Variants in IQGAP2 observed in about 807,000 individuals in gnomAD.
The protein encoded by IQGAP2 is ras GTPase-activating-like protein IQGAP2.
Under a neutral mutation model 201.3 loss-of-function variants are expected in IQGAP2, and 173 were observed. The observed-to-expected ratio is 0.86, with a 90% CI of 0.76 to 0.98. The LOEUF is 0.98. Ranked by LOEUF, IQGAP2 falls within the 50% of genes least tolerant of loss-of-function variation. The probability of loss-of-function intolerance (pLI) is 0.00; values close to 1 mark genes in which losing one functional copy is unlikely to be tolerated. For missense variants in IQGAP2, 1,687 were observed against 1,864.8 expected (o/e 0.90, Z 1.76); for synonymous variants, 675 against 673.9 (o/e 1.00, Z -0.03).
chr5:76,604,568 G>T (rs940218931), intron 11 of IQGAP2, among the ~76,000 whole-genome samples: 1 of 152,018 alleles, frequency 6.6e-6, no homozygotes, highest in African/African-American at 2.4e-5. Flanking sequence ...GAAATGATGG[G>T]TAGTTGTATT....
At chr5:76,463,384 A>G (rs1185256555) in intron 2 of IQGAP2, among the ~76,000 whole-genome samples, 2 of 152,100 alleles carry the variant, frequency 1.3e-5, no homozygotes, top group African/African-American at 4.8e-5. Flanking sequence ...TCCACAGACC[A>G]TTTTACCTGT....
chr5:76,444,819 C>T (rs1333008909), intron 1 of IQGAP2, among the ~76,000 whole-genome samples: 1 of 152,094 alleles, frequency 6.6e-6, no homozygotes, highest in Non-Finnish European at 1.5e-5. Context: ...CCATGGCCTC[C>T]TGGGATTGGG....
intron 2 of IQGAP2, among the ~76,000 whole-genome samples, chr5:76,551,129 T>TG (rs1409438115): frequency 8.4e-6 from 1 of 118,942 alleles, no homozygotes; most frequent in Non-Finnish European, 1.7e-5. Flanking sequence ...ACTTCTCAGA[T>TG]GGGGCGGCCG....
At chr5:76,604,639 T>TA (rs1747672288) in intron 11 of IQGAP2, among the ~76,000 whole-genome samples, 1 of 152,190 alleles carries the variant, frequency 6.6e-6, no homozygotes, top group African/African-American at 2.4e-5. Context: ...ATTTAGACGT[T>TA]AAGTGTATGG....
chr5:76,441,566 C>T, intron 1 of IQGAP2: 1 of 970,308 alleles, frequency 1.0e-6, no homozygotes, highest in Non-Finnish European at 1.2e-6. Flanking sequence ...AAGCCAGTGG[C>T]AGGGTTCGTG....
At chr5:76,431,993 T>C (rs1752395802) in intron 1 of IQGAP2, among the ~76,000 whole-genome samples, 2 of 151,986 alleles carry the variant, frequency 1.3e-5, no homozygotes, top group African/African-American at 2.4e-5. Flanking sequence ...GAGCCACTTA[T>C]GCTTGTATTA....
chr5:76,662,341 C>A (rs146503419), intron 21 of IQGAP2, among the ~76,000 whole-genome samples: 1 of 152,306 alleles, frequency 6.6e-6, no homozygotes, highest in East Asian at 1.9e-4. Context: ...CCTGCCTTCA[C>A]CAACTCTCTC....
intron 2 of IQGAP2, among the ~76,000 whole-genome samples, chr5:76,548,734 G>A (rs1056128285): frequency 3.9e-5 from 6 of 152,216 alleles, no homozygotes; most frequent in Non-Finnish European, 8.8e-5. Context: ...CCTGCTAAGT[G>A]CTAGTCCATG....
At chr5:76,415,733 G>C (rs1036016800) in intron 1 of IQGAP2, among the ~76,000 whole-genome samples, 12 of 152,328 alleles carry the variant, frequency 7.9e-5, no homozygotes, top group African/African-American at 2.6e-4. Context: ...CTGGAGGCCA[G>C]GAGTTCAAGA....
intron 1 of IQGAP2, among the ~76,000 whole-genome samples, chr5:76,425,380 C>T (rs1259197772): frequency 6.6e-6 from 1 of 152,124 alleles, no homozygotes; most frequent in African/African-American, 2.4e-5. Context: ...GTCTGAATAG[C>T]AAACAGCTGT....
intron 12 of IQGAP2, chr5:76,608,958 G>A (rs1748034236): frequency 1.6e-5 from 12 of 761,464 alleles, no homozygotes; most frequent in East Asian, 5.6e-5. Context: ...GAAGTGGACC[G>A]TGGGCTGAGT....
chr5:76,574,022 TA>T (rs113984849), intron 4 of IQGAP2, among the ~76,000 whole-genome samples: 1,768 of 152,220 alleles, frequency 0.012, 26 homozygotes, highest in African/African-American at 0.041. Context: ...TTTAAGTACT[TA>T]GTAATTATAT....
chr5:76,405,410 G>A (rs761131479), intron 1 of IQGAP2, among the ~76,000 whole-genome samples: 5 of 151,996 alleles, frequency 3.3e-5, no homozygotes, highest in East Asian at 1.9e-4. Flanking sequence ...AATCACTCCC[G>A]GTTACTTTCC....
intron 2 of IQGAP2, among the ~76,000 whole-genome samples, chr5:76,537,487 A>ATT (rs112627712): frequency 5.9e-5 from 8 of 135,470 alleles, no homozygotes; most frequent in African/African-American, 1.1e-4. Context: ...GTTCACAACT[A>ATT]TTTTTTTTTT....
At position 76,683,177 on chromosome 5, in the gene IQGAP2, G is replaced by T. The variant is rs1465296421; in HGVS notation, c.3723G>T (p.Leu1241=). 6.2e-7 allele frequency: 1 copy of T among 1,612,112 alleles called. No homozygotes were observed. Among genetic ancestry groups the T allele is most frequent in the Admixed American group, 1.7e-5 (1 of 59,728 alleles). ...AAAATGACTTACTGAGTGAATTGCT[G>T]GGGTCGCTGGGAGAGGTGCCAACCG... ...PEKNDLLSEL[L]GSLGEVPTVE... Residue 1241 remains leucine, a synonymous_variant, in exon 29 of 36, where the codon CTG becomes CTT. Coordinates refer to ENST00000274364, the MANE Select transcript of IQGAP2 (RefSeq NM_006633.5).
intron 30 of IQGAP2, among the ~76,000 whole-genome samples, chr5:76,687,508 A>G (rs1477595107): frequency 6.6e-6 from 1 of 152,226 alleles, no homozygotes; most frequent in Non-Finnish European, 1.5e-5. Context: ...CAAGGAAACT[A>G]AAGTCTAAAA....
At chr5:76,496,381 G>T (rs1419652913) in intron 2 of IQGAP2, among the ~76,000 whole-genome samples, 2 of 152,310 alleles carry the variant, frequency 1.3e-5, no homozygotes, top group East Asian at 3.9e-4. Flanking sequence ...ATTTCCTGGG[G>T]TTGAAGGATT....
At chr5:76,604,561 A>G (rs1240965955) in intron 11 of IQGAP2, among the ~76,000 whole-genome samples, 5 of 151,964 alleles carry the variant, frequency 3.3e-5, no homozygotes, top group South Asian at 4.1e-4. Flanking sequence ...TTCTAAAGAA[A>G]TGATGGGTAG....
Position 76,429,582 on chromosome 5 carries a change from T to TTATATATATATATATATATATATTTA in IQGAP2, c.46+26006_46+26007insATATATATTTATATATATATATATAT, listed in dbSNP as rs70982604. On this transcript the variant is annotated intron_variant, in intron 1 of 35. Transcript: ENST00000274364. ...GCGAGACTCTGTCTCAAAAAAAAAT[T>TTATATATATATATATATATATATTTA]TATATATATATATATGTATATTTAT... 3.6e-3 allele frequency among the ~76,000 whole-genome samples: 429 copies of TTATATATATATATATATATATATTTA among 120,646 alleles called. 2 individuals are homozygous for TTATATATATATATATATATATATTTA. Among genetic ancestry groups the TTATATATATATATATATATATATTTA allele is most frequent in the African/African-American group, 0.01 (362 of 36,052 alleles). 79.1% of individuals were successfully genotyped at this position (120,646 alleles called of 152,430 possible). A position where few individuals can be genotyped will look rare whatever the true frequency, so the allele number is the denominator to read the frequency against.
Sources: allele counts gnomAD v4.1 joint callset (sites outside exome capture counted in the v4.1 genomes callset), GRCh38; gene constraint gnomAD v4.1.1; transcripts MANE v1.5; gene names NCBI Gene and HGNC (gene_info 2026-07-23, HGNC 2026-07-21).